Variants in ZNF710 observed in about 807,000 individuals in gnomAD.
ZNF710 encodes the protein zinc finger protein 710.
ZNF710 carries 13 observed loss-of-function variants against 50.6 expected under a neutral mutation model. The observed-to-expected ratio is 0.26, with a 90% CI of 0.17 to 0.41. ZNF710 has a LOEUF of 0.41. Among genes scored for constraint, ZNF710 ranks in the 10% least tolerant of loss-of-function variants. The pLI is 1.00. For missense variants in ZNF710, 721 were observed against 936.6 expected (o/e 0.77, Z 3.01); for synonymous variants, 383 against 397.0 (o/e 0.96, Z 0.42).
In ZNF710 at chr15:90,044,808, A is replaced by G. The variant is rs140544902; in HGVS notation, c.-28-22302A>G. On this transcript the variant is annotated intron_variant, in intron 1 of 4. Transcript: ENST00000268154. ...AAGCAGTGGCTCCTCTCCTGTGTGC[A>G]TGGGTCAGTGGATAGCACCGCAGCA... 5.7e-3 allele frequency among the ~76,000 whole-genome samples: 863 copies of G among 152,220 alleles called. 7 individuals are homozygous for G. The highest frequency in any genetic ancestry group is 0.019 in the African/African-American group (792 of 41,520).
intron 1 of ZNF710, among the ~76,000 whole-genome samples, chr15:90,057,612 G>A (rs1356013776): frequency 2.0e-5 from 3 of 151,712 alleles, no homozygotes; most frequent in Non-Finnish European, 2.9e-5. Flanking sequence ...CACGAGAATC[G>A]CTTGAAGCCA....
At chr15:90,035,966 C>A (rs1899111017) in intron 1 of ZNF710, among the ~76,000 whole-genome samples, 2 of 152,184 alleles carry the variant, frequency 1.3e-5, no homozygotes. Context: ...CAGCGTTTCC[C>A]AGCCTTGTGA....
intron 1 of ZNF710, among the ~76,000 whole-genome samples, chr15:90,051,602 C>T (rs1283696554): frequency 6.6e-6 from 1 of 152,152 alleles, no homozygotes; most frequent in African/African-American, 2.4e-5. Flanking sequence ...CACTGCACTC[C>T]AGCCTTGGCG....
chr15:90,015,782 T>A (rs1289595122), intron 1 of ZNF710, among the ~76,000 whole-genome samples: 2 of 152,062 alleles, frequency 1.3e-5, no homozygotes, highest in Non-Finnish European at 2.9e-5. Context: ...AGCTAATTTT[T>A]AAATTTTTTG....
chr15:90,054,916 A>G (rs931716954), intron 1 of ZNF710, among the ~76,000 whole-genome samples: 5 of 152,182 alleles, frequency 3.3e-5, no homozygotes, highest in African/African-American at 9.7e-5. Flanking sequence ...GGCAGGGTCT[A>G]TCTGGCTGCT....
At chr15:90,032,217 C>A (rs1567227341) in intron 1 of ZNF710, among the ~76,000 whole-genome samples, 1 of 151,954 alleles carries the variant, frequency 6.6e-6, no homozygotes, top group Non-Finnish European at 1.5e-5. Context: ...AGGCTGGTCT[C>A]GAGCTCCCAA....
intron 1 of ZNF710, among the ~76,000 whole-genome samples, chr15:90,032,879 A>G (rs1191371775): frequency 6.6e-6 from 1 of 152,116 alleles, no homozygotes; most frequent in South Asian, 2.1e-4. Context: ...CAAGGCCAGC[A>G]TGGACAACAT....
chr15:90,044,323 G>A (rs563199872), intron 1 of ZNF710, among the ~76,000 whole-genome samples: 46 of 152,320 alleles, frequency 3.0e-4, no homozygotes, highest in African/African-American at 9.4e-4. Context: ...AGGCAGAGGC[G>A]GATGTGGTCC....
At chr15:90,046,283 C>T (rs7496448) in intron 1 of ZNF710, among the ~76,000 whole-genome samples, 35,476 of 152,174 alleles carry the variant, frequency 0.23, 5,093 homozygotes, top group East Asian at 0.72. Context: ...CAGTGCCCAG[C>T]CCATAGTAGG....
At chr15:90,019,785 G>C (rs1898560923) in intron 1 of ZNF710, among the ~76,000 whole-genome samples, 2 of 152,238 alleles carry the variant, frequency 1.3e-5, no homozygotes, top group African/African-American at 4.8e-5. Context: ...CAGGCCTGTG[G>C]CTCCCCAGGG....
At chr15:90,005,072 A>G (rs1368175499) in intron 1 of ZNF710, among the ~76,000 whole-genome samples, 1 of 152,200 alleles carries the variant, frequency 6.6e-6, no homozygotes, top group African/African-American at 2.4e-5. Flanking sequence ...GAAGAGAAGG[A>G]GTGTAAGGAC....
At chr15:90,065,799 C>CG (rs1054676113) in intron 1 of ZNF710, among the ~76,000 whole-genome samples, 84 of 152,202 alleles carry the variant, frequency 5.5e-4, no homozygotes, top group African/African-American at 1.9e-3. Context: ...CCTAGCATTT[C>CG]GGGGGGCTGA....
upstream of ZNF710, among the ~76,000 whole-genome samples, chr15:90,000,717 C>G (rs1897989029): frequency 6.6e-6 from 1 of 152,190 alleles, no homozygotes; most frequent in Admixed American, 6.5e-5. Context: ...GCACACACAC[C>G]CAGCTTGCCA....
At chr15:90,029,166 A>G (rs1357503355) in intron 1 of ZNF710, among the ~76,000 whole-genome samples, 1 of 152,222 alleles carries the variant, frequency 6.6e-6, no homozygotes, top group Non-Finnish European at 1.5e-5. Context: ...TAGAGATAAT[A>G]AATGTGGGTG....
rs1899274646 is a variant in ZNF710, at chr15:90,040,848, C to T, written c.-28-26262C>T. On this transcript the variant is annotated intron_variant, in intron 1 of 4. Coordinates refer to ENST00000268154, the MANE Select transcript of ZNF710 (RefSeq NM_198526.4). The surrounding 1 kb of genome is among the most constrained non-coding windows in gnomAD (Gnocchi z 4.6). ...ATCAATTTCGGACATTATCTTTTGC[C>T]TCCATATTGTTGCAAGTGAGGACTT... Among the ~76,000 whole-genome samples the T allele has an allele frequency of 6.6e-6, 1 of 152,142 alleles. No homozygotes were observed. Among genetic ancestry groups the T allele is most frequent in the Non-Finnish European group, 1.5e-5 (1 of 68,020 alleles).
At position 90,080,980 on chromosome 15, in the gene ZNF710, C is replaced by G. The variant is rs1365897661; in HGVS notation, c.*1151C>G. On this transcript the variant is annotated 3_prime_UTR_variant, in exon 5 of 5. Coordinates refer to ENST00000268154, the MANE Select transcript of ZNF710 (RefSeq NM_198526.4). ...GCTGTGCGTGCTTCCTACCCACCCA[C>G]CCCGAGCAGCCTGGCCGGGCAGGAC... The G allele has an allele frequency of 5.3e-5, 8 of 152,260 alleles. No homozygotes were observed. Among genetic ancestry groups the G allele is most frequent in the Non-Finnish European group, 7.3e-5 (5 of 68,068 alleles). The allele number at this position is 152,260 out of a possible 1,614,324, so 9.4% of individuals were successfully genotyped here. A position where few individuals can be genotyped will look rare whatever the true frequency, so the allele number is the denominator to read the frequency against.
intron 1 of ZNF710, among the ~76,000 whole-genome samples, chr15:90,063,337 T>TG (rs1900068778): frequency 6.6e-6 from 1 of 152,160 alleles, no homozygotes; most frequent in Non-Finnish European, 1.5e-5. Flanking sequence ...CTGGATTTCC[T>TG]GGGGCGTGAG....
upstream of ZNF710, among the ~76,000 whole-genome samples, chr15:89,998,619 A>G (rs1897962257): frequency 1.3e-5 from 2 of 152,142 alleles, no homozygotes; most frequent in Non-Finnish European, 2.9e-5. Context: ...TCGGGGCACT[A>G]CCCAGTCACT....
At chr15:90,050,175 G>T (rs1050617313) in intron 1 of ZNF710, among the ~76,000 whole-genome samples, 1 of 152,216 alleles carries the variant, frequency 6.6e-6, no homozygotes, top group African/African-American at 2.4e-5. Flanking sequence ...ACTCCTCCTG[G>T]CATAAATCCG....
Sources: allele counts gnomAD v4.1 joint callset (sites outside exome capture counted in the v4.1 genomes callset), GRCh38; gene constraint gnomAD v4.1.1; non-coding constraint Gnocchi (gnomAD v3.1); transcripts MANE v1.5; gene names NCBI Gene and HGNC (gene_info 2026-07-23, HGNC 2026-07-21).